The following RIN3 variants were observed in gnomAD, a reference collection of about 807,000 sequenced individuals.
RIN3 encodes RAB5 interacting protein 3.
A neutral mutation model predicts 76.3 loss-of-function variants in RIN3; 54 were observed. The ratio of observed to expected loss-of-function variants is 0.71; its 90% CI spans 0.57 to 0.89. The LOEUF (loss-of-function observed/expected upper bound fraction) is 0.89, where lower values mean the gene tolerates loss of function less well. RIN3 is among the 40% of genes least tolerant of loss of function. RIN3 has a pLI of 0.00. For synonymous variants in RIN3, 576 were observed against 564.0 expected (o/e 1.02, Z -0.30); for missense variants, 1,256 against 1,322.1 (o/e 0.95, Z 0.78).
intron 3 of RIN3, among the ~76,000 whole-genome samples, chr14:92,583,248 G>A (rs1160682056): frequency 6.6e-6 from 1 of 152,242 alleles, no homozygotes; most frequent in African/African-American, 2.4e-5. Context: ...GGAAAGAGAC[G>A]TGGGGATACC....
At chr14:92,646,968 T>C (rs1416644881) in intron 5 of RIN3, among the ~76,000 whole-genome samples, 2 of 152,240 alleles carry the variant, frequency 1.3e-5, no homozygotes, top group Non-Finnish European at 2.9e-5. Flanking sequence ...GAATGTCTAG[T>C]TAAGGCTAAA....
intron 1 of RIN3, among the ~76,000 whole-genome samples, chr14:92,536,600 G>A (rs1157418223): frequency 6.6e-6 from 1 of 152,070 alleles, no homozygotes; most frequent in Non-Finnish European, 1.5e-5. Context: ...AAATTAGCTA[G>A]GCATGGTGGT....
At chr14:92,641,760 C>G (rs1269021477) in intron 5 of RIN3, among the ~76,000 whole-genome samples, 1 of 152,194 alleles carries the variant, frequency 6.6e-6, no homozygotes, top group African/African-American at 2.4e-5. Context: ...GTCCTGTGCC[C>G]AAACAACTGA....
At chr14:92,558,889 T>TTTC (rs1157040295) in intron 2 of RIN3, among the ~76,000 whole-genome samples, 6 of 146,010 alleles carry the variant, frequency 4.1e-5, no homozygotes, top group Non-Finnish European at 7.6e-5. Flanking sequence ...TTTCTTTTCT[T>TTTC]TTTTTTTTTT....
chr14:92,513,831 C>A lies in RIN3; in HGVS notation c.-102C>A, dbSNP rs916436630. 7 of 788,040 alleles carry A rather than the reference C, an allele frequency of 8.9e-6. No individual in the cohort carries two copies. Among genetic ancestry groups the A allele is most frequent in the Non-Finnish European group, 1.2e-5 (7 of 586,598 alleles). The allele number at this position is 788,040 out of a possible 1,614,324, so 48.8% of individuals were successfully genotyped here. ...CGGCGGCAGCGGCGGCCTGGCCCTTCCAGAGGGCCAGAGCCAGGGACATGC... is the reference window on the plus strand; with the variant it reads ...CGGCGGCAGCGGCGGCCTGGCCCTTACAGAGGGCCAGAGCCAGGGACATGC... On this transcript the variant is annotated 5_prime_UTR_variant, in exon 1 of 10. Coordinates refer to ENST00000216487, the MANE Select transcript of RIN3 (RefSeq NM_024832.5).
chr14:92,541,227 T>C (rs768504926), intron 1 of RIN3, among the ~76,000 whole-genome samples: 1 of 152,258 alleles, frequency 6.6e-6, no homozygotes, highest in East Asian at 1.9e-4. Context: ...AAACCCTTGT[T>C]ATCTCCATTC....
At chr14:92,673,162 G>A (rs530379192) in intron 7 of RIN3, among the ~76,000 whole-genome samples, 5 of 151,996 alleles carry the variant, frequency 3.3e-5, no homozygotes, top group South Asian at 2.1e-4. Flanking sequence ...CTCATAACCC[G>A]GTCTCAAAAA....
At position 92,566,906 on chromosome 14, in the gene RIN3, G is replaced by A. The variant is rs1047904584; in HGVS notation, c.250-10454G>A. Among the ~76,000 whole-genome samples the A allele has an allele frequency of 3.3e-5, 5 of 152,162 alleles. No individual in the cohort carries two copies. In the South Asian group the frequency reaches 1.0e-3, roughly 31 times the overall value. On this transcript the variant is annotated intron_variant, in intron 2 of 9. Transcript: ENST00000216487. ...GAGGGTGTGATATTCAGAGCCTCAG[G>A]GAAGGAGCTGTTGCAGGTATCTAAA...
chr14:92,657,316 AC>A (rs1887706871), intron 6 of RIN3, among the ~76,000 whole-genome samples: 1 of 151,976 alleles, frequency 6.6e-6, no homozygotes, highest in Non-Finnish European at 1.5e-5. Context: ...AGCCAAGATC[AC>A]ACTACTGCAC....
At chr14:92,572,498 T>C (rs2140053301) in intron 2 of RIN3, among the ~76,000 whole-genome samples, 1 of 152,280 alleles carries the variant, frequency 6.6e-6, no homozygotes, top group Non-Finnish European at 1.5e-5. Flanking sequence ...CTGCAACCAA[T>C]TATTAGAGAG....
At chr14:92,601,879 A>G (rs1438671650) in intron 3 of RIN3, among the ~76,000 whole-genome samples, 1 of 152,192 alleles carries the variant, frequency 6.6e-6, no homozygotes, top group African/African-American at 2.4e-5. Context: ...ACCTATAAAT[A>G]GCTCCCAGAC....
intron 1 of RIN3, among the ~76,000 whole-genome samples, chr14:92,520,618 A>G (rs1346947227): frequency 6.6e-6 from 1 of 152,244 alleles, no homozygotes; most frequent in Non-Finnish European, 1.5e-5. Context: ...AGAGGGGTGG[A>G]CAGAGGGCAC....
At chr14:92,577,253 C>A (rs550387756) in intron 2 of RIN3, 107 bp from the exon 3 acceptor site, 2 of 711,536 alleles carry the variant, frequency 2.8e-6, no homozygotes, top group Non-Finnish European at 2.5e-6. Flanking sequence ...CCCTAGCCTG[C>A]CTCATCATTT....
chr14:92,527,402 C>G (rs2080805048), intron 1 of RIN3, among the ~76,000 whole-genome samples: 1 of 152,124 alleles, frequency 6.6e-6, no homozygotes, highest in Admixed American at 6.5e-5. Context: ...TAGGGCCCAG[C>G]TTACTCCAGT....
In RIN3 at chr14:92,555,988, A is replaced by ACACACCTGTGAGGAACTCAGGCGTGCTC. The variant is rs1566840901; in HGVS notation, c.249+42_249+69dup. ...GGGGCGTCTCCCACTTGGTAGGCAC[A>ACACACCTGTGAGGAACTCAGGCGTGCTC]CACACCTGTGAGGAACTCAGGCGTG... On this transcript the variant is annotated intron_variant, in intron 2 of 9. Transcript: ENST00000216487. 6 of 1,588,520 alleles carry ACACACCTGTGAGGAACTCAGGCGTGCTC rather than the reference A, an allele frequency of 3.8e-6. No individual in the cohort carries two copies. In the Admixed American group the frequency reaches 1.0e-4, roughly 27 times the overall value.
intron 3 of RIN3, among the ~76,000 whole-genome samples, chr14:92,584,921 G>T (rs1047294499): frequency 2.0e-5 from 3 of 152,200 alleles, no homozygotes; most frequent in African/African-American, 7.2e-5. Context: ...GAAGTGAGCT[G>T]CCCAGCACTC....
At chr14:92,560,529 G>A (rs533893384) in intron 2 of RIN3, among the ~76,000 whole-genome samples, 1 of 152,304 alleles carries the variant, frequency 6.6e-6, no homozygotes, top group East Asian at 1.9e-4. Flanking sequence ...AGCGATTTCT[G>A]TCAGGTAGGC....
chr14:92,672,992 T>G (rs1888338358), intron 7 of RIN3, among the ~76,000 whole-genome samples: 1 of 151,922 alleles, frequency 6.6e-6, no homozygotes, highest in Non-Finnish European at 1.5e-5. Context: ...GGTCTATCAA[T>G]ATCACAGCAG....
At chr14:92,606,994 T>C (rs1486804711) in intron 3 of RIN3, among the ~76,000 whole-genome samples, 1 of 152,236 alleles carries the variant, frequency 6.6e-6, no homozygotes, top group African/African-American at 2.4e-5. Flanking sequence ...TATCCAAATG[T>C]CCATCAACTG....
Sources: gnomAD v4.1 joint callset for allele counts (sites outside exome capture counted in the v4.1 genomes callset) on GRCh38, gnomAD v4.1.1 for gene constraint, MANE v1.5 for transcripts, NCBI Gene and HGNC (gene_info 2026-07-23, HGNC 2026-07-21) for gene names.